COMMD10: variants seen among roughly 807,000 people sequenced by gnomAD.
The protein encoded by COMMD10 is COMM domain containing 10.
COMMD10 carries 33 observed loss-of-function variants against 28.9 expected under a neutral mutation model. The observed-to-expected ratio is 1.14, with a 90% CI of 0.87 to 1.53. The LOEUF (loss-of-function observed/expected upper bound fraction) is 1.53. Ranked by LOEUF, COMMD10 falls within the 40% of genes most tolerant of loss-of-function variation. The pLI, the probability that COMMD10 is intolerant of heterozygous loss-of-function variation, is 0.00. For missense variants in COMMD10, 310 were observed against 233.4 expected, an observed-to-expected ratio of 1.33 and a Z score of -2.14; for synonymous variants, 110 against 81.7, an observed-to-expected ratio of 1.35 and a Z score of -1.87.
chr5:116,110,676 A>T (rs1751013759), intron 4 of COMMD10, among the ~76,000 whole-genome samples: 2 of 152,180 alleles, frequency 1.3e-5, no homozygotes, highest in Non-Finnish European at 1.5e-5. Flanking sequence ...TAATTGGCTT[A>T]TGGTTCTGCA....
chr5:116,182,969 A>G (rs1748020375), intron 5 of COMMD10, among the ~76,000 whole-genome samples: 1 of 152,118 alleles, frequency 6.6e-6, no homozygotes, highest in Non-Finnish European at 1.5e-5. Flanking sequence ...CACCCTGTGA[A>G]GAAGGTGCCT....
chr5:116,237,789 C>A (rs1337303851), intron 5 of COMMD10, among the ~76,000 whole-genome samples: 2 of 152,120 alleles, frequency 1.3e-5, no homozygotes, highest in Non-Finnish European at 2.9e-5. Context: ...TTTTGTATTT[C>A]TTGCAAGTTA....
Position 116,096,991 on chromosome 5 carries a change from A to G in COMMD10, c.399+4291A>G, listed in dbSNP as rs1750489181. Reference sequence around the variant, plus strand: ...TTATACAGTCCGTTTTTTTCCTTGCACTTTAGTAGTCATAACAATTAAAAA... The same window carrying G: ...TTATACAGTCCGTTTTTTTCCTTGCGCTTTAGTAGTCATAACAATTAAAAA... On this transcript the variant is annotated intron_variant, in intron 4 of 6. Coordinates refer to ENST00000274458, the MANE Select transcript of COMMD10 (RefSeq NM_016144.4). 3.3e-5 allele frequency among the ~76,000 whole-genome samples: 5 copies of G among 151,890 alleles called. No individual in the cohort carries two copies. The South Asian group carries it at 1.0e-3, about 32-fold the overall frequency.
intron 5 of COMMD10, among the ~76,000 whole-genome samples, chr5:116,238,184 T>G (rs749866391): frequency 2.1e-4 from 32 of 152,184 alleles, no homozygotes; most frequent in Admixed American, 7.9e-4. Context: ...AGCAAGATAT[T>G]TCTTAAAATA....
chr5:116,208,470 C>T (rs1748874609), intron 5 of COMMD10, among the ~76,000 whole-genome samples: 1 of 152,122 alleles, frequency 6.6e-6, no homozygotes, highest in South Asian at 2.1e-4. Context: ...TTATTCCCTC[C>T]TTGTACATGT....
intron 5 of COMMD10, among the ~76,000 whole-genome samples, chr5:116,275,018 T>C (rs1241166256): frequency 1.3e-5 from 2 of 151,832 alleles, no homozygotes; most frequent in African/African-American, 4.9e-5. Context: ...TGTCTTAAAC[T>C]GAACTTGAAA....
chr5:116,229,504 A>G (rs903984478), intron 5 of COMMD10, among the ~76,000 whole-genome samples: 3 of 152,036 alleles, frequency 2.0e-5, no homozygotes, highest in Non-Finnish European at 4.4e-5. Flanking sequence ...AGAAGTGGCA[A>G]TGATTAAGGG....
Position 116,212,539 on chromosome 5 carries a change from T to C in COMMD10, c.510+78361T>C, listed in dbSNP as rs574363279. On this transcript the variant is annotated intron_variant, in intron 5 of 6. Coordinates refer to ENST00000274458, the MANE Select transcript of COMMD10 (RefSeq NM_016144.4). ...GTGTGTGTGTAGAATGTGAGGGGGG[T>C]TGGATAGGTTCATGTGGGTGTAAAG... Among the ~76,000 whole-genome samples the C allele has an allele frequency of 2.8e-5, 4 of 141,198 alleles. No homozygotes were observed. In the South Asian group the frequency reaches 6.8e-4, roughly 24 times the overall value. 92.6% of individuals were successfully genotyped at this position (141,198 alleles called of 152,430 possible). A position where few individuals can be genotyped will look rare whatever the true frequency, so the allele number is the denominator to read the frequency against.
chr5:116,137,800 A>G (rs978274477), intron 5 of COMMD10, among the ~76,000 whole-genome samples: 5 of 151,924 alleles, frequency 3.3e-5, no homozygotes, highest in African/African-American at 4.8e-5. Flanking sequence ...CTGTTTTGCT[A>G]TTAATTTTAT....
At chr5:116,249,045 T>G (rs905589819) in intron 5 of COMMD10, among the ~76,000 whole-genome samples, 1 of 151,982 alleles carries the variant, frequency 6.6e-6, no homozygotes, top group African/African-American at 2.4e-5. Flanking sequence ...TTAGCAATTT[T>G]TATTGTTTTT....
At chr5:116,152,850 C>G (rs566015627) in intron 5 of COMMD10, among the ~76,000 whole-genome samples, 2 of 152,122 alleles carry the variant, frequency 1.3e-5, no homozygotes, top group Admixed American at 6.5e-5. Flanking sequence ...TAAGCATAAA[C>G]TTTAAGTAGT....
intron 5 of COMMD10, among the ~76,000 whole-genome samples, chr5:116,220,085 A>G (rs1329086519): frequency 2.0e-5 from 3 of 152,198 alleles, no homozygotes; most frequent in African/African-American, 7.2e-5. Flanking sequence ...ATCAAAGCTG[A>G]AGCTTTCTAT....
rs540452621 is a variant in COMMD10 at position 116,254,558 on chromosome 5, C to T, written c.511-36959C>T. Among the ~76,000 whole-genome samples, 435 of 151,144 alleles carry T rather than the reference C, an allele frequency of 2.9e-3. 5 individuals carry two copies. Among genetic ancestry groups the T allele is most frequent in the Non-Finnish European group, 4.0e-3 (272 of 67,812 alleles). Reference sequence around the variant, plus strand: ...TTCTGCCTTCATTTCGTTATGTACCCAGTAGTCATTCAGGAGCAGGTGGTT... The same window carrying T: ...TTCTGCCTTCATTTCGTTATGTACCTAGTAGTCATTCAGGAGCAGGTGGTT... On this transcript the variant is annotated intron_variant, in intron 5 of 6. Coordinates refer to ENST00000274458, the MANE Select transcript of COMMD10 (RefSeq NM_016144.4).
At chr5:116,087,385 A>C in intron 1 of COMMD10, 112 bp from the exon 2 acceptor site, 2 of 634,340 alleles carry the variant, frequency 3.2e-6, no homozygotes, top group South Asian at 2.3e-5. Context: ...TTTCACTCAG[A>C]TTTACCATAT....
At chr5:116,275,487 T>C (rs1300711804) in intron 5 of COMMD10, among the ~76,000 whole-genome samples, 2 of 151,776 alleles carry the variant, frequency 1.3e-5, no homozygotes, top group African/African-American at 2.4e-5. Context: ...GCAAAGTATG[T>C]CATTTTGTAA....
At chr5:116,155,575 A>T (rs925872957) in intron 5 of COMMD10, among the ~76,000 whole-genome samples, 2 of 152,110 alleles carry the variant, frequency 1.3e-5, no homozygotes, top group South Asian at 4.1e-4. Flanking sequence ...AAAAGAGAGG[A>T]TAGTATAGAT....
At chr5:116,183,076 A>G (rs1177825067) in intron 5 of COMMD10, among the ~76,000 whole-genome samples, 1 of 152,108 alleles carries the variant, frequency 6.6e-6, no homozygotes, top group Non-Finnish European at 1.5e-5. Context: ...TTTGCAAATT[A>G]CCCAGTCTTC....
chr5:116,251,861 T>A lies in COMMD10; in HGVS notation c.511-39656T>A, dbSNP rs374117574. Among the ~76,000 whole-genome samples, 395 of 152,152 alleles carry A rather than the reference T, an allele frequency of 2.6e-3. 1 individual carries two copies. The highest frequency in any genetic ancestry group is 4.4e-3 in the Non-Finnish European group (298 of 67,986). On this transcript the variant is annotated intron_variant, in intron 5 of 6. Transcript: ENST00000274458. The stretch of plus-strand genomic sequence containing the variant: ...ATTTCTAGTTCTAGATCCCTGAGGA[T>A]TCGCCACACTGACTTCCACAAGGGT...
At chr5:116,237,770 A>G (rs897525977) in intron 5 of COMMD10, among the ~76,000 whole-genome samples, 2 of 152,180 alleles carry the variant, frequency 1.3e-5, no homozygotes, top group Admixed American at 1.3e-4. Context: ...ATAAAATGCA[A>G]TAAATGCATT....
Sources: allele counts gnomAD v4.1 joint callset (sites outside exome capture counted in the v4.1 genomes callset), GRCh38; gene constraint gnomAD v4.1.1; transcripts MANE v1.5; gene names NCBI Gene and HGNC (gene_info 2026-07-23, HGNC 2026-07-21).